CALD1: variants seen among roughly 807,000 people sequenced by gnomAD.
The protein encoded by CALD1 is caldesmon 1.
CALD1 carries 33 observed loss-of-function variants against 99.9 expected under a neutral mutation model. That is an observed-to-expected ratio of 0.33 (90% CI 0.25 to 0.44). CALD1 has a LOEUF of 0.44. Ranked by LOEUF, CALD1 falls within the 20% of genes least tolerant of loss-of-function variation. CALD1 has a pLI of 1.00. For missense variants in CALD1, 861 were observed against 962.1 expected (o/e 0.89, Z 1.39); for synonymous variants, 310 against 325.0 (o/e 0.95, Z 0.50).
rs562542239 is a variant in CALD1 at position 134,933,615 on chromosome 7, C to T, written c.846C>T (p.Ala282=). 2.9e-5 allele frequency: 46 copies of T among 1,611,706 alleles called. No homozygotes were observed. The highest frequency in any genetic ancestry group is 1.4e-4 in the South Asian group (13 of 90,572). ...LEAEERERIK[A]EQDKKIADER... Reference sequence around the variant, plus strand: ...CAGAAGAAAGAGAAAGAATTAAAGCCGAGCAAGACAAAAAGATAGCAGATG... The same window carrying T: ...CAGAAGAAAGAGAAAGAATTAAAGCTGAGCAAGACAAAAAGATAGCAGATG... The change falls in exon 5 of 15, where the codon GCC becomes GCT. Residue 282 remains alanine, a synonymous_variant. Transcript: ENST00000361675.
intron 2 of CALD1, among the ~76,000 whole-genome samples, chr7:134,863,575 ATCTGC>A (rs1247289011): frequency 5.3e-5 from 8 of 152,246 alleles, no homozygotes; most frequent in Non-Finnish European, 8.8e-5. Flanking sequence ...AAAATGGCTT[ATCTGC>A]CACCAACACT....
chr7:134,819,373 C>G (rs1462255269), intron 1 of CALD1, among the ~76,000 whole-genome samples: 2 of 152,198 alleles, frequency 1.3e-5, no homozygotes, highest in South Asian at 2.1e-4. Context: ...CTCTCCAGAG[C>G]AGGGTTATCA....
chr7:134,929,823 G>A (rs894214078), intron 4 of CALD1, among the ~76,000 whole-genome samples: 1 of 150,048 alleles, frequency 6.7e-6, no homozygotes, highest in African/African-American at 2.5e-5. Flanking sequence ...CCAGTAGTGG[G>A]ACTGCTGGAT....
At chr7:134,863,523 C>A (rs1382042201) in intron 2 of CALD1, among the ~76,000 whole-genome samples, 2 of 152,208 alleles carry the variant, frequency 1.3e-5, no homozygotes, top group Non-Finnish European at 2.9e-5. Flanking sequence ...TACACACGTG[C>A]TCATGCACAG....
At chr7:134,856,089 C>T (rs1015804966) in intron 2 of CALD1, among the ~76,000 whole-genome samples, 3 of 152,198 alleles carry the variant, frequency 2.0e-5, no homozygotes, top group African/African-American at 4.8e-5. Context: ...TTCTACGAAG[C>T]GAACAAGGAT....
intron 7 of CALD1, among the ~76,000 whole-genome samples, chr7:134,944,849 C>T (rs907356449): frequency 6.6e-6 from 1 of 152,158 alleles, no homozygotes; most frequent in African/African-American, 2.4e-5. Flanking sequence ...TTAGTGAAGT[C>T]CCAGGCAAAT....
At chr7:134,758,438 A>G (rs1796748016) in intron 1 of CALD1, among the ~76,000 whole-genome samples, 1 of 151,886 alleles carries the variant, frequency 6.6e-6, no homozygotes. Context: ...TGAACTGGTC[A>G]TTTGGGATAT....
In CALD1 at chr7:134,784,850, C is replaced by G. The variant is rs115288632; in HGVS notation, c.-130+5101C>G. 5.2e-3 allele frequency among the ~76,000 whole-genome samples: 789 copies of G among 152,258 alleles called. 6 individuals carry two copies. The highest frequency in any genetic ancestry group is 0.018 in the African/African-American group (748 of 41,550). On this transcript the variant is annotated intron_variant, in intron 1 of 14. Transcript: ENST00000361675. The stretch of plus-strand genomic sequence containing the variant: ...TTTCCACTAGTGTGACTCAGCTCAG[C>G]GCACGTGTCTGCCTCTTTCTGTTGT...
chr7:134,866,495 G>GT, intron 2 of CALD1, among the ~76,000 whole-genome samples: 1 of 152,154 alleles, frequency 6.6e-6, no homozygotes, highest in East Asian at 1.9e-4. Context: ...TTTTATTTTT[G>GT]TTTTTGTGGG....
upstream of CALD1, among the ~76,000 whole-genome samples, chr7:134,740,634 T>C (rs544234183): frequency 4.6e-5 from 7 of 152,328 alleles, no homozygotes; most frequent in Non-Finnish European, 1.0e-4. Flanking sequence ...ATCTGGGACA[T>C]TATTTTTAAA....
the CALD1 span, among the ~76,000 whole-genome samples, chr7:134,721,382 C>A: frequency 4.0e-5 from 6 of 150,578 alleles, no homozygotes; most frequent in East Asian, 1.2e-3. Context: ...GTCCTGCCAG[C>A]CTTGGAATTC....
chr7:134,960,135 T>G, intron 12 of CALD1, 24 bp downstream of exon 12: 2 of 1,613,632 alleles, frequency 1.2e-6, no homozygotes, highest in Non-Finnish European at 1.7e-6. Context: ...TTTTGTCTCT[T>G]AAGTGTAGAG....
chr7:134,815,353 C>G (rs1798519939), intron 1 of CALD1, among the ~76,000 whole-genome samples: 2 of 152,174 alleles, frequency 1.3e-5, no homozygotes, highest in African/African-American at 4.8e-5. Context: ...TCCGGCTGGT[C>G]CTCAAGTTGT....
intron 1 of CALD1, among the ~76,000 whole-genome samples, chr7:134,758,532 G>A (rs1796749237): frequency 6.9e-6 from 1 of 144,032 alleles, no homozygotes. Flanking sequence ...GTGTGTGTGT[G>A]TGTGTGTTTC....
intron 1 of CALD1, among the ~76,000 whole-genome samples, chr7:134,843,259 G>A (rs1056856841): frequency 6.6e-6 from 1 of 152,206 alleles, no homozygotes; most frequent in African/African-American, 2.4e-5. Flanking sequence ...AGGGAGGAAT[G>A]GTTCACCCGG....
intron 1 of CALD1, among the ~76,000 whole-genome samples, chr7:134,761,855 GTATTATTAT>G (rs543710060): frequency 1.3e-5 from 2 of 152,110 alleles, no homozygotes; most frequent in Admixed American, 1.3e-4. Context: ...ACCATTATTT[GTATTATTAT>G]TATTATTTTT....
rs183057875 is a variant in CALD1, at chr7:134,936,542, C to T, written c.1386+777C>T. Among the ~76,000 whole-genome samples the T allele has an allele frequency of 1.2e-4, 18 of 152,254 alleles. No individual in the cohort carries two copies. The East Asian group carries it at 2.5e-3, about 21-fold the overall frequency. Reference sequence around the variant, plus strand: ...CTGAATTATTTGAAGTAGGAAGACCCGAAGTTCTTCGCCTATGAGACTGGT... The same window carrying T: ...CTGAATTATTTGAAGTAGGAAGACCTGAAGTTCTTCGCCTATGAGACTGGT... On this transcript the variant is annotated intron_variant, in intron 6 of 14. Coordinates refer to ENST00000361675, the MANE Select transcript of CALD1 (RefSeq NM_033138.4).
At chr7:134,838,910 G>A (rs1799544353) in intron 1 of CALD1, among the ~76,000 whole-genome samples, 1 of 152,052 alleles carries the variant, frequency 6.6e-6, no homozygotes, top group Non-Finnish European at 1.5e-5. Flanking sequence ...CTATTCACAT[G>A]TTCTAAAAAT....
At chr7:134,728,501 C>T in the CALD1 span, among the ~76,000 whole-genome samples, 1 of 152,184 alleles carries the variant, frequency 6.6e-6, no homozygotes, top group African/African-American at 2.4e-5. Context: ...AGGCTACAGT[C>T]TGTTTACACC....
Sources: gnomAD v4.1 joint callset for allele counts (sites outside exome capture counted in the v4.1 genomes callset) on GRCh38, gnomAD v4.1.1 for gene constraint, MANE v1.5 for transcripts, NCBI Gene and HGNC (gene_info 2026-07-23, HGNC 2026-07-21) for gene names.